The following PRICKLE2 variants were observed in gnomAD, a reference collection of about 807,000 sequenced individuals.
The protein encoded by PRICKLE2 is prickle planar cell polarity protein 2, also known as prickle-like protein 2.
Under a neutral mutation model 81.4 loss-of-function variants are expected in PRICKLE2, and 21 were observed. That is an observed-to-expected ratio of 0.26 (90% confidence interval 0.18 to 0.37). PRICKLE2 has a LOEUF of 0.37. Ranked by LOEUF, PRICKLE2 falls within the 10% of genes least tolerant of loss-of-function variation. The pLI is 1.00. For synonymous variants in PRICKLE2, 456 were observed against 421.5 expected (o/e 1.08, Z -1.00); for missense variants, 940 against 1,109.0 (o/e 0.85, Z 2.16).
At chr3:64,188,864 T>C (rs2078282963) in intron 2 of PRICKLE2, among the ~76,000 whole-genome samples, 1 of 152,234 alleles carries the variant, frequency 6.6e-6, no homozygotes, top group Non-Finnish European at 1.5e-5. Context: ...ATTTACTATC[T>C]AGATCTTTAC....
intron 7 of PRICKLE2, among the ~76,000 whole-genome samples, chr3:64,111,315 A>G (rs1575547704): frequency 6.6e-6 from 1 of 152,240 alleles, no homozygotes; most frequent in South Asian, 2.1e-4. Context: ...GCATGTTGTC[A>G]TATATGAAAT....
Position 64,153,313 on chromosome 3 carries a change from T to A in PRICKLE2, c.656A>T (p.His219Leu). The change falls in exon 6 of 8, where the codon CAC becomes CTC. Residue 219 changes from histidine to leucine, a missense_variant. Around this residue, in one of 2 missense-constraint regions of PRICKLE2, gnomAD observed 270 missense variants for 391.8 expected, o/e 0.69. Transcript: ENST00000638394. ...EAEGRHWHMK[H>L]FCCFECETVL... Reference sequence around the variant, plus strand: ...TGTCTCACACTCGAAGCAGCAAAAGTGTTTCATGTGCCAGTGTCGCCCCTC... The same window carrying A: ...TGTCTCACACTCGAAGCAGCAAAAGAGTTTCATGTGCCAGTGTCGCCCCTC... The A allele has an allele frequency of 6.2e-7, 1 of 1,614,180 alleles. No individual in the cohort carries two copies. Among genetic ancestry groups the A allele is most frequent in the Non-Finnish European group, 8.5e-7 (1 of 1,180,034 alleles).
At chr3:64,149,969 CTTTTTTT>C (rs34841544) in intron 6 of PRICKLE2, among the ~76,000 whole-genome samples, 15 of 109,726 alleles carry the variant, frequency 1.4e-4, no homozygotes, top group Admixed American at 1.0e-4. Context: ...TCAACTCCAT[CTTTTTTT>C]TTTTTTTTTT....
chr3:64,152,254 C>T (rs1423463182), intron 6 of PRICKLE2, among the ~76,000 whole-genome samples: 1 of 152,128 alleles, frequency 6.6e-6, no homozygotes, highest in Non-Finnish European at 1.5e-5. Flanking sequence ...GAACAGACTT[C>T]TTGGGATTGC....
chr3:64,110,197 C>T (rs145536632), intron 7 of PRICKLE2, among the ~76,000 whole-genome samples: 144 of 152,296 alleles, frequency 9.5e-4, no homozygotes, highest in African/African-American at 3.3e-3. Context: ...CCAGAGTTTG[C>T]TCTGGGTTTA....
intron 7 of PRICKLE2, among the ~76,000 whole-genome samples, chr3:64,145,220 C>G (rs964951487): frequency 1.4e-5 from 2 of 146,478 alleles, no homozygotes; most frequent in Non-Finnish European, 3.0e-5. Flanking sequence ...CTGCTTTAGT[C>G]TCCTAAGTAG....
chr3:64,121,915 C>T (rs536665025), intron 7 of PRICKLE2, among the ~76,000 whole-genome samples: 1 of 152,198 alleles, frequency 6.6e-6, no homozygotes, highest in African/African-American at 2.4e-5. Flanking sequence ...CTTCTCTCCT[C>T]TGAACCTTGG....
intron 7 of PRICKLE2, chr3:64,101,622 GATAAATAAAAAC>G (rs1244214145): frequency 2.6e-5 from 4 of 152,308 alleles, no homozygotes; most frequent in African/African-American, 9.6e-5. Flanking sequence ...GCTGATAGCA[GATAAATAAAAAC>G]ATAAATAAAT....
intron 1 of PRICKLE2, among the ~76,000 whole-genome samples, chr3:64,210,750 C>T (rs1271023239): frequency 6.6e-6 from 1 of 152,162 alleles, no homozygotes; most frequent in African/African-American, 2.4e-5. Context: ...AAATAAGCCT[C>T]CTGGGTGACT....
intron 7 of PRICKLE2, among the ~76,000 whole-genome samples, chr3:64,129,818 CAA>C (rs1559527082): frequency 6.6e-6 from 1 of 152,182 alleles, no homozygotes; most frequent in East Asian, 1.9e-4. Flanking sequence ...GGAAAGGAAA[CAA>C]ACAATGAAAG....
chr3:64,106,410 G>T (rs896078542), intron 7 of PRICKLE2, among the ~76,000 whole-genome samples: 1 of 152,156 alleles, frequency 6.6e-6, no homozygotes, highest in African/African-American at 2.4e-5. Context: ...TCTGGAGTTG[G>T]GAGTTGTGAC....
chr3:64,124,812 G>A (rs1357034358), intron 7 of PRICKLE2, among the ~76,000 whole-genome samples: 2 of 152,190 alleles, frequency 1.3e-5, no homozygotes, highest in African/African-American at 2.4e-5. Context: ...CAAGAGGTAT[G>A]ACGGAGATGT....
chr3:64,132,975 G>A (rs537866998), intron 7 of PRICKLE2, among the ~76,000 whole-genome samples: 2 of 152,292 alleles, frequency 1.3e-5, no homozygotes, highest in African/African-American at 4.8e-5. Flanking sequence ...AGGGGTAGGA[G>A]TGGGAATGGA....
At chr3:64,141,336 C>T (rs1432583) in intron 7 of PRICKLE2, among the ~76,000 whole-genome samples, 7,882 of 152,260 alleles carry the variant, frequency 0.052, 651 homozygotes, top group African/African-American at 0.18. Context: ...GCCTCATGTA[C>T]ACCATCTGTA....
chr3:64,155,813 A>C (rs757082581), intron 5 of PRICKLE2, among the ~76,000 whole-genome samples: 77 of 152,338 alleles, frequency 5.1e-4, no homozygotes, highest in Middle Eastern at 3.4e-3. Flanking sequence ...AAATGTCCAG[A>C]ACATGTAAAT....
chr3:64,265,182 C>A (rs866929998), intron 2 of PRICKLE2, among the ~76,000 whole-genome samples: 9 of 151,902 alleles, frequency 5.9e-5, no homozygotes, highest in South Asian at 2.1e-4. Flanking sequence ...AACAAACAAA[C>A]AAAAAAAACT....
At chr3:64,108,054 G>A (rs572258850) in intron 7 of PRICKLE2, among the ~76,000 whole-genome samples, 2 of 152,282 alleles carry the variant, frequency 1.3e-5, no homozygotes, top group South Asian at 2.1e-4. Flanking sequence ...CTTACTGCCT[G>A]TTTTTGTAAA....
rs921999572 is a variant in PRICKLE2 at position 64,124,414 on chromosome 3, A to G, written c.1660+22416T>C. 3.9e-5 allele frequency among the ~76,000 whole-genome samples: 6 copies of G among 152,370 alleles called. No individual in the cohort carries two copies. In the South Asian group the frequency reaches 1.2e-3, roughly 32 times the overall value. The stretch of plus-strand genomic sequence containing the variant: ...TCTACATAAGATCACTGATGACGAT[A>G]GCTACACTAAACAGATTTTCAATGT... On this transcript the variant is annotated intron_variant, in intron 7 of 7. Coordinates refer to ENST00000638394, the MANE Select transcript of PRICKLE2 (RefSeq NM_198859.4).
chr3:64,199,173 T>C, intron 1 of PRICKLE2: 1 of 613,504 alleles, frequency 1.6e-6, no homozygotes, highest in East Asian at 2.7e-5. Context: ...GCATGAAAGG[T>C]CAGAGGCCAC....
Sources: allele counts gnomAD v4.1 joint callset (sites outside exome capture counted in the v4.1 genomes callset), GRCh38; gene constraint gnomAD v4.1.1; regional missense constraint gnomAD v4.1.1; transcripts MANE v1.5; gene names NCBI Gene and HGNC (gene_info 2026-07-23, HGNC 2026-07-21).